GOLGB1: variants seen among roughly 807,000 people sequenced by gnomAD.
GOLGB1 encodes the protein golgin subfamily B member 1.
A neutral mutation model predicts 336.9 loss-of-function variants in GOLGB1; 174 were observed. The observed-to-expected ratio is 0.52, with a 90% CI of 0.46 to 0.59. The LOEUF (loss-of-function observed/expected upper bound fraction) is 0.59. Among genes scored for constraint, GOLGB1 ranks in the 20% least tolerant of loss-of-function variants. The pLI is 0.00. For synonymous variants in GOLGB1, 1,208 were observed against 1,289.2 expected (o/e 0.94, Z 1.35); for missense variants, 3,331 against 3,645.3 (o/e 0.91, Z 2.22).
rs1016200289 is a variant in GOLGB1, at chr3:121,664,399, C to T, written c.*81G>A. On this transcript the variant is annotated 3_prime_UTR_variant, in exon 22 of 22. Transcript: ENST00000614479. ...AAGACCTGTAAATGGGAAGACTGTT[C>T]CACTGGAATTGATGTTCTGATGTTA... 3.3e-6 allele frequency: 4 copies of T among 1,217,654 alleles called. No homozygotes were observed. The Admixed American group carries it at 5.1e-5, about 16-fold the overall frequency. 75.4% of individuals were successfully genotyped at this position (1,217,654 alleles called of 1,614,324 possible).
chr3:121,706,343 G>A (rs1271210258), intron 10 of GOLGB1, among the ~76,000 whole-genome samples: 1 of 152,016 alleles, frequency 6.6e-6, no homozygotes, highest in Non-Finnish European at 1.5e-5. Flanking sequence ...AACATGCTAT[G>A]TCAAGGTACA....
chr3:121,735,863 G>A (rs1025817914), intron 1 of GOLGB1, among the ~76,000 whole-genome samples: 2 of 152,050 alleles, frequency 1.3e-5, no homozygotes, highest in Non-Finnish European at 2.9e-5. Context: ...TTTCTAAATT[G>A]CCAATCTCCA....
rs1942796159 is a variant in GOLGB1 at position 121,694,868 on chromosome 3, C to T, written c.5655G>A (p.Lys1885=). 1 of 1,613,702 alleles carries T rather than the reference C, an allele frequency of 6.2e-7. No individual in the cohort carries two copies. The highest frequency in any genetic ancestry group is 1.1e-5 in the South Asian group (1 of 91,066). The change falls in exon 13 of 22, where the codon AAG becomes AAA. Residue 1885 remains lysine (K), a synonymous_variant. Transcript: ENST00000614479. The stretch of plus-strand genomic sequence containing the variant: ...CCTGAAGCATTTTTAGTTCACCATC[C>T]TTTGTTGATATCTGACTCAGTAAGG... ...KNTLLSQIST[K]DGELKMLQEE...
At chr3:121,740,635 T>C (rs1396932757) in intron 1 of GOLGB1, among the ~76,000 whole-genome samples, 1 of 152,208 alleles carries the variant, frequency 6.6e-6, no homozygotes, top group African/African-American at 2.4e-5. Flanking sequence ...GTAGTAAACT[T>C]TCTGTAGTGA....
chr3:121,727,384 C>A (rs1332072579), intron 4 of GOLGB1, among the ~76,000 whole-genome samples: 1 of 115,540 alleles, frequency 8.7e-6, no homozygotes, highest in Non-Finnish European at 1.6e-5. Flanking sequence ...AAACTGTGGA[C>A]AATATAGAAA....
At position 121,698,347 on chromosome 3, in the gene GOLGB1, G is replaced by A; in HGVS notation, c.2176C>T (p.Leu726=). Residue 726 remains leucine (L), a synonymous_variant, in exon 13 of 22, where the codon CTA becomes TTA. Transcript: ENST00000614479. Reference sequence around the variant, plus strand: ...TTAAACTCCTCAATCAACTGGTTTAGGTTGCTAATTTCCTTAGCTTTCTCA... The same window carrying A: ...TTAAACTCCTCAATCAACTGGTTTAAGTTGCTAATTTCCTTAGCTTTCTCA... ...LDEKAKEISN[L]NQLIEEFKKN... The A allele has an allele frequency of 1.2e-6, 2 of 1,613,756 alleles. No homozygotes were observed. The highest frequency in any genetic ancestry group is 1.7e-6 in the Non-Finnish European group (2 of 1,179,806).
At chr3:121,747,414 T>TATATGTCTATATAC (rs1947442611) in intron 1 of GOLGB1, among the ~76,000 whole-genome samples, 3 of 145,706 alleles carry the variant, frequency 2.1e-5, no homozygotes, top group East Asian at 2.0e-4. Context: ...CGTATATATA[T>TATATGTCTATATAC]GTATATATAT....
intron 9 of GOLGB1, among the ~76,000 whole-genome samples, 200 bp downstream of exon 9, chr3:121,716,537 A>C (rs1157580338): frequency 1.3e-5 from 2 of 152,222 alleles, no homozygotes; most frequent in Non-Finnish European, 2.9e-5. Context: ...TATTGTAATG[A>C]TAATTATAAT....
chr3:121,699,076 T>C, intron 12 of GOLGB1, 147 bp from the exon 13 acceptor site: 1 of 584,400 alleles, frequency 1.7e-6, no homozygotes, highest in Non-Finnish European at 2.9e-6. Flanking sequence ...CTAAATCCTT[T>C]TAAAATCAGT....
At chr3:121,736,074 G>T (rs1255037207) in intron 1 of GOLGB1, among the ~76,000 whole-genome samples, 1 of 152,120 alleles carries the variant, frequency 6.6e-6, no homozygotes. Flanking sequence ...GGATTATATG[G>T]ATTATAACCC....
At chr3:121,682,408 CT>C (rs947351475) in intron 14 of GOLGB1, among the ~76,000 whole-genome samples, 8 of 149,190 alleles carry the variant, frequency 5.4e-5, no homozygotes, top group African/African-American at 7.3e-5. Context: ...TCATACTCTT[CT>C]TTTTTTTTTG....
intron 21 of GOLGB1, 95 bp downstream of exon 21, chr3:121,664,831 G>T: frequency 1.2e-6 from 1 of 831,660 alleles, no homozygotes; most frequent in South Asian, 1.5e-5. Context: ...CTCAGTGGCT[G>T]GACTTCCACA....
At chr3:121,701,297 C>T (rs1943384512) in intron 11 of GOLGB1, among the ~76,000 whole-genome samples, 1 of 152,110 alleles carries the variant, frequency 6.6e-6, no homozygotes, top group Non-Finnish European at 1.5e-5. Flanking sequence ...TGCAAAACTG[C>T]AAAATAAGCA....
intron 1 of GOLGB1, among the ~76,000 whole-genome samples, chr3:121,747,458 A>T (rs1197430562): frequency 2.8e-5 from 4 of 143,366 alleles, no homozygotes; most frequent in African/African-American, 1.1e-4. Flanking sequence ...ATAACAAAAC[A>T]CTACAGCAGT....
At chr3:121,745,107 G>C (rs918170304) in intron 1 of GOLGB1, among the ~76,000 whole-genome samples, 14 of 152,166 alleles carry the variant, frequency 9.2e-5, no homozygotes, top group African/African-American at 3.4e-4. Flanking sequence ...CAAAGGTTGG[G>C]AACTACAGGG....
intron 8 of GOLGB1, among the ~76,000 whole-genome samples, chr3:121,717,647 G>A (rs1416429396): frequency 6.6e-6 from 1 of 152,128 alleles, no homozygotes; most frequent in Non-Finnish European, 1.5e-5. Flanking sequence ...GAATATTGCA[G>A]AACGAGATCA....
In GOLGB1 at chr3:121,695,198, T is replaced by C. The variant is rs1168891958; in HGVS notation, c.5325A>G (p.Gln1775=). Residue 1775 remains glutamine (Q), a synonymous_variant, in exon 13 of 22, where the codon CAA becomes CAG. Coordinates refer to ENST00000614479, the MANE Select transcript of GOLGB1 (RefSeq NM_001366282.2). ...KHQIEGNVSK[Q]ANLEATEKHD... The stretch of plus-strand genomic sequence containing the variant: ...GTTTCTCGGTGGCCTCTAGGTTAGC[T>C]TGTTTAGATACATTACCTTCTATCT... 1.6e-5 allele frequency: 26 copies of C among 1,611,938 alleles called. No homozygotes were observed. The highest frequency in any genetic ancestry group is 2.1e-5 in the Non-Finnish European group (25 of 1,179,294).
chr3:121,678,806 C>G (rs942661652), intron 15 of GOLGB1, among the ~76,000 whole-genome samples: 2 of 152,130 alleles, frequency 1.3e-5, no homozygotes, highest in Admixed American at 1.3e-4. Flanking sequence ...CCTGCCTTGG[C>G]CTCCCAAAGT....
Position 121,695,964 on chromosome 3 carries a change from CGTTCAATGGT to C in GOLGB1, c.4549_4558del (p.Thr1517ValfsTer24). ...CACATCTGCCAGAGACTTGGTGAGA[CGTTCAATGGT>C]ACCTCTGGCCAAAGACAATTCCTCT... On this transcript the variant is annotated frameshift_variant, in exon 13 of 22. Coordinates refer to ENST00000614479, the MANE Select transcript of GOLGB1 (RefSeq NM_001366282.2). LOFTEE classifies it high-confidence loss of function. 2 of 1,613,950 alleles carry C rather than the reference CGTTCAATGGT, an allele frequency of 1.2e-6. No individual in the cohort carries two copies. The highest frequency in any genetic ancestry group is 1.7e-6 in the Non-Finnish European group (2 of 1,179,860).
Sources: gnomAD v4.1 joint callset for allele counts (sites outside exome capture counted in the v4.1 genomes callset) on GRCh38, gnomAD v4.1.1 for gene constraint, MANE v1.5 for transcripts, NCBI Gene and HGNC (gene_info 2026-07-23, HGNC 2026-07-21) for gene names.